Variants in HIBCH observed in about 807,000 individuals in gnomAD.
HIBCH encodes the protein 3-hydroxyisobutyryl-CoA hydrolase, mitochondrial.
A neutral mutation model predicts 58.2 loss-of-function variants in HIBCH; 50 were observed. The observed-to-expected ratio is 0.86, with a 90% CI of 0.68 to 1.09. The LOEUF (loss-of-function observed/expected upper bound fraction) is 1.09. Ranked by LOEUF, HIBCH falls within the 50% of genes least tolerant of loss-of-function variation. The pLI is 0.00. For missense variants in HIBCH, 450 were observed against 449.7 expected (o/e 1.00, Z -0.01); for synonymous variants, 151 against 146.9 (o/e 1.03, Z -0.20).
intron 11 of HIBCH, among the ~76,000 whole-genome samples, chr2:190,219,085 T>TTA (rs1228716115): frequency 6.6e-6 from 1 of 152,214 alleles, no homozygotes; most frequent in Non-Finnish European, 1.5e-5. Context: ...GACTTGTGCC[T>TTA]TAGTTCACTT....
chr2:190,250,191 C>G, intron 8 of HIBCH: 2 of 345,600 alleles, frequency 5.8e-6, no homozygotes, highest in South Asian at 4.9e-5. Context: ...ATAGCTAATG[C>G]TTTCTTGCCC....
chr2:190,298,713 T>C (rs751458119), intron 2 of HIBCH, among the ~76,000 whole-genome samples: 19 of 152,168 alleles, frequency 1.2e-4, no homozygotes, highest in Admixed American at 2.6e-4. Context: ...ACTCTGATGA[T>C]AGTTTCTTTT....
At chr2:190,300,399 A>C (rs1251505108) in intron 2 of HIBCH, among the ~76,000 whole-genome samples, 1 of 146,668 alleles carries the variant, frequency 6.8e-6, no homozygotes, top group African/African-American at 2.5e-5. Flanking sequence ...TTTGTTTTGC[A>C]TTTCTCTAAT....
intron 6 of HIBCH, chr2:190,280,954 G>A (rs919682973): frequency 2.0e-5 from 3 of 152,206 alleles, no homozygotes; most frequent in African/African-American, 4.8e-5. Context: ...TCTGCCTTAT[G>A]CCCCTTAGAC....
At chr2:190,246,707 G>T (rs1325438822) in intron 9 of HIBCH, among the ~76,000 whole-genome samples, 1 of 152,202 alleles carries the variant, frequency 6.6e-6, no homozygotes, top group Non-Finnish European at 1.5e-5. Flanking sequence ...ATGCTAGCAT[G>T]TTTATAGTTC....
At chr2:190,233,105 A>G (rs974689699) in intron 11 of HIBCH, among the ~76,000 whole-genome samples, 4 of 152,142 alleles carry the variant, frequency 2.6e-5, no homozygotes, top group African/African-American at 9.7e-5. Flanking sequence ...TTAGCTTCCA[A>G]TATTGTTGAG....
rs1439590871 is a variant in HIBCH, at chr2:190,245,864, C to T, written c.809+290G>A. Among the ~76,000 whole-genome samples the T allele has an allele frequency of 3.3e-5, 5 of 152,038 alleles. 1 individual carries two copies. The highest frequency in any genetic ancestry group is 1.3e-4 in the Admixed American group (2 of 15,272). On this transcript the variant is annotated intron_variant, in intron 10 of 13. Transcript: ENST00000359678. ...AGTTCGACAGGCATGGTAGCAGGTGCCTGTAGTCCCAGCTACTCAGAAGGC... is the reference window on the plus strand; with the variant it reads ...AGTTCGACAGGCATGGTAGCAGGTGTCTGTAGTCCCAGCTACTCAGAAGGC...
rs1476358817 is a variant in HIBCH at position 190,197,762 on chromosome 2, G to A, written c.*17+7338C>T. ...TATATTTTGTCTGGTTTTAAAACTG[G>A]TTTTGGCAAATGCACAAATCTGGCA... is the stretch of plus-strand genomic sequence containing the variant. On this transcript the variant is annotated intron_variant, in intron 1 of 1. Coordinates refer to the HIBCH transcript ENST00000399855. The surrounding 1 kb of genome is among the most constrained non-coding windows in gnomAD (Gnocchi z 4.0). Among the ~76,000 whole-genome samples the A allele has an allele frequency of 6.6e-6, 1 of 152,182 alleles. No homozygotes were observed. Among genetic ancestry groups the A allele is most frequent in the Non-Finnish European group, 1.5e-5 (1 of 68,032 alleles).
At chr2:190,239,646 A>AG (rs996143478) in intron 11 of HIBCH, among the ~76,000 whole-genome samples, 3 of 127,786 alleles carry the variant, frequency 2.3e-5, no homozygotes, top group Non-Finnish European at 3.2e-5. Flanking sequence ...AGTGGTTTGT[A>AG]GTTTTTTTTT....
chr2:190,249,573 GC>G, intron 9 of HIBCH, 66 bp downstream of exon 9: 1 of 844,512 alleles, frequency 1.2e-6, no homozygotes, highest in Non-Finnish European at 2.0e-6. Context: ...TTCACCAACT[GC>G]CAGTTTTTTA....
intron 7 of HIBCH, among the ~76,000 whole-genome samples, chr2:190,253,190 AAATAAT>A (rs911257170): frequency 6.6e-6 from 1 of 152,058 alleles, no homozygotes; most frequent in Admixed American, 6.6e-5. Flanking sequence ...TCTCAAGTAA[AAATAAT>A]AATAATAATA....
At chr2:190,208,719 C>A (rs1690451842) in intron 13 of HIBCH, 161 bp downstream of exon 13, 5 of 669,188 alleles carry the variant, frequency 7.5e-6, no homozygotes, top group South Asian at 6.2e-5. Flanking sequence ...ACTTATGGTC[C>A]AATGAACATT....
chr2:190,198,975 G>A (rs367853653), downstream of HIBCH, among the ~76,000 whole-genome samples: 1 of 152,200 alleles, frequency 6.6e-6, no homozygotes, highest in African/African-American at 2.4e-5. Flanking sequence ...CTGAGCTTCT[G>A]TACAATTTCA....
At position 190,279,991 on chromosome 2, in the gene HIBCH, C is replaced by T. The variant is rs1447814830; in HGVS notation, c.438+7595G>A. On this transcript the variant is annotated intron_variant, in intron 6 of 13. Coordinates refer to ENST00000359678, the MANE Select transcript of HIBCH (RefSeq NM_014362.4). The surrounding 1 kb of genome is among the most constrained non-coding windows in gnomAD (Gnocchi z 4.2). ...TATAAATTACCCTGTCCCCTTTGTT[C>T]GCTGTACTCTTGTAGCAAAACTGCC... 1.3e-5 allele frequency: 2 copies of T among 152,310 alleles called. No homozygotes were observed. The highest frequency in any genetic ancestry group is 2.4e-5 in the African/African-American group (1 of 41,444). The allele number at this position is 152,310 out of a possible 1,614,324, so 9.4% of individuals were successfully genotyped here. A position where few individuals can be genotyped will look rare whatever the true frequency, so the allele number is the denominator to read the frequency against.
At chr2:190,246,331 TCTAA>T (rs1472822238) in intron 9 of HIBCH, 119 bp from the exon 10 acceptor site, 31 of 650,902 alleles carry the variant, frequency 4.8e-5, no homozygotes, top group East Asian at 2.8e-4. Flanking sequence ...TCAAATTACA[TCTAA>T]CTGTCTCATA....
intron 11 of HIBCH, among the ~76,000 whole-genome samples, chr2:190,219,130 T>C (rs1685645009): frequency 7.1e-6 from 1 of 141,572 alleles, no homozygotes; most frequent in Non-Finnish European, 1.5e-5. Flanking sequence ...CCAGAAGATC[T>C]CCAAGAATCC....
intron 2 of HIBCH, among the ~76,000 whole-genome samples, chr2:190,298,229 C>G (rs1449067139): frequency 6.6e-6 from 1 of 152,088 alleles, no homozygotes; most frequent in Non-Finnish European, 1.5e-5. Flanking sequence ...TGTACATGTG[C>G]CTTTCTAGTA....
At chr2:190,261,561 T>C (rs1291208186) in intron 6 of HIBCH, among the ~76,000 whole-genome samples, 1 of 151,982 alleles carries the variant, frequency 6.6e-6, no homozygotes, top group Non-Finnish European at 1.5e-5. Flanking sequence ...TATGTATTTC[T>C]TATATATGAA....
chr2:190,225,956 C>G (rs980760843), intron 11 of HIBCH, among the ~76,000 whole-genome samples: 4 of 152,178 alleles, frequency 2.6e-5, no homozygotes, highest in Non-Finnish European at 5.9e-5. Flanking sequence ...GGATGCAAGG[C>G]TGGTTCAACA....
Sources: gnomAD v4.1 joint callset for allele counts (sites outside exome capture counted in the v4.1 genomes callset) on GRCh38, gnomAD v4.1.1 for gene constraint, Gnocchi (gnomAD v3.1) non-coding constraint, MANE v1.5 for transcripts, NCBI Gene and HGNC (gene_info 2026-07-23, HGNC 2026-07-21) for gene names.